AXIN1: variants seen among roughly 807,000 people sequenced by gnomAD.
AXIN1 encodes axin 1.
A neutral mutation model predicts 76.4 loss-of-function variants in AXIN1; 30 were observed. The observed-to-expected ratio is 0.39, with a 90% CI of 0.29 to 0.53. AXIN1 has a LOEUF of 0.53. AXIN1 is among the 20% of genes least tolerant of loss of function. The pLI, the probability that AXIN1 is intolerant of heterozygous loss-of-function variation, is 0.66. For missense variants in AXIN1, 1,140 were observed against 1,198.8 expected, an observed-to-expected ratio of 0.95 and a Z score of 0.72; for synonymous variants, 545 against 501.4, an observed-to-expected ratio of 1.09 and a Z score of -1.16.
intron 3 of AXIN1, among the ~76,000 whole-genome samples, chr16:313,667 G>A (rs2053234541): frequency 6.6e-6 from 1 of 152,226 alleles, no homozygotes; most frequent in African/African-American, 2.4e-5. Context: ...AGCTGGGAAG[G>A]TCTGAGCTTC....
chr16:329,399 A>G (rs947069249), intron 2 of AXIN1, among the ~76,000 whole-genome samples: 1 of 151,992 alleles, frequency 6.6e-6, no homozygotes, highest in African/African-American at 2.4e-5. Flanking sequence ...GAATAGTAGT[A>G]TCTCTGAGCA....
chr16:345,646 G>A (rs146716847), intron 2 of AXIN1, among the ~76,000 whole-genome samples: 1,936 of 151,714 alleles, frequency 0.013, 40 homozygotes, highest in African/African-American at 0.044. Context: ...CCCGGGAGGC[G>A]AAGGTTGCAG....
chr16:328,012 G>A lies in AXIN1; in HGVS notation c.879-13329C>T, dbSNP rs77419178. On this transcript the variant is annotated intron_variant, in intron 2 of 10. Coordinates refer to ENST00000262320, the MANE Select transcript of AXIN1 (RefSeq NM_003502.4). ...GCCTGTAATCCGAGCACTGTAGGAGGCTGAGGCAGAATGCCTTAAAGCCAA... is the reference window on the plus strand; with the variant it reads ...GCCTGTAATCCGAGCACTGTAGGAGACTGAGGCAGAATGCCTTAAAGCCAA... 8.9e-3 allele frequency among the ~76,000 whole-genome samples: 1,363 copies of A among 152,346 alleles called. 16 individuals are homozygous for A. The highest frequency in any genetic ancestry group is 0.03 in the African/African-American group (1,260 of 41,578).
chr16:323,456 A>AAAG (rs1567289980), intron 2 of AXIN1, among the ~76,000 whole-genome samples: 1 of 148,530 alleles, frequency 6.7e-6, no homozygotes, highest in African/African-American at 2.5e-5. Context: ...AAAAAAAAGA[A>AAAG]AGAAAAAAAG....
chr16:352,188 G>A (rs12923489), intron 1 of AXIN1, among the ~76,000 whole-genome samples, 181 bp downstream of exon 1: 1 of 151,594 alleles, frequency 6.6e-6, no homozygotes, highest in South Asian at 2.1e-4. Flanking sequence ...CCGAGGCCTC[G>A]GACCTCCAAG....
At chr16:324,120 G>A (rs569727634) in intron 2 of AXIN1, among the ~76,000 whole-genome samples, 25 of 152,286 alleles carry the variant, frequency 1.6e-4, no homozygotes, top group Non-Finnish European at 2.4e-4. Context: ...TGAAATACCC[G>A]GGACCGTCCG....
Position 352,437 on chromosome 16 carries a change from G to A in AXIN1, c.-150C>T. 5 of 974,428 alleles carry A rather than the reference G, an allele frequency of 5.1e-6. No homozygotes were observed. The highest frequency in any genetic ancestry group is 6.1e-6 in the Non-Finnish European group (5 of 823,440). 60.4% of individuals were successfully genotyped at this position (974,428 alleles called of 1,614,324 possible). ...GGCGCGGCGCGGTCCGGGCCCATGC[G>A]CTCAGCGGCAGCGCGGCGGGCGGGA... On this transcript the variant is annotated 5_prime_UTR_variant, in exon 1 of 11. Transcript: ENST00000262320.
intron 7 of AXIN1, among the ~76,000 whole-genome samples, chr16:294,730 G>C (rs1346429075): frequency 2.4e-5 from 3 of 124,104 alleles, no homozygotes; most frequent in African/African-American, 9.4e-5. Context: ...ACTCCAGCCT[G>C]AGCCACAGGA....
intron 5 of AXIN1, among the ~76,000 whole-genome samples, chr16:299,904 C>T (rs963831039): frequency 1.3e-5 from 2 of 152,044 alleles, no homozygotes; most frequent in African/African-American, 2.4e-5. Flanking sequence ...ATCTGCCCAC[C>T]TCGGCCTCCC....
chr16:293,760 C>G lies in AXIN1; in HGVS notation c.1956-42G>C. 6.3e-7 allele frequency: 1 copy of G among 1,588,424 alleles called. No individual in the cohort carries two copies. The highest frequency in any genetic ancestry group is 8.6e-7 in the Non-Finnish European group (1 of 1,160,208). ...ACAAGTTGTGACTGTGGCCGACACC[C>G]TGGCCAGGTGGCCTGGTGGGGCTAC... On this transcript the variant is annotated intron_variant, in intron 7 of 10. Coordinates refer to ENST00000262320, the MANE Select transcript of AXIN1 (RefSeq NM_003502.4). The surrounding 1 kb of genome is among the most constrained non-coding windows in gnomAD (Gnocchi z 4.6).
At chr16:299,059 G>T (rs28725307) in intron 5 of AXIN1, 1 of 984,978 alleles carries the variant, frequency 1.0e-6, no homozygotes, top group Non-Finnish European at 1.2e-6. Context: ...GAGCCGCCGC[G>T]CCCGGCCTCC....
At chr16:291,131 G>C (rs1390980030) in intron 9 of AXIN1, 59 bp downstream of exon 9, 3 of 1,505,412 alleles carry the variant, frequency 2.0e-6, no homozygotes, top group Non-Finnish European at 1.8e-6. Flanking sequence ...GATGGGACCT[G>C]GCTTGGGACG....
intron 2 of AXIN1, among the ~76,000 whole-genome samples, chr16:323,134 G>A (rs1320826660): frequency 6.6e-6 from 1 of 151,956 alleles, no homozygotes; most frequent in African/African-American, 2.4e-5. Context: ...AAGAAAGAAA[G>A]AAAAAAGAAA....
chr16:312,091 G>A (rs2053196786), intron 3 of AXIN1, among the ~76,000 whole-genome samples: 1 of 152,154 alleles, frequency 6.6e-6, no homozygotes, highest in Non-Finnish European at 1.5e-5. Context: ...CCAACCTACT[G>A]GTTTCTTAGA....
In AXIN1 at chr16:287,457, TTTATTTCA is replaced by T. The variant is rs1161729899; in HGVS notation, c.*657_*664del. The stretch of plus-strand genomic sequence containing the variant: ...CAGCCAGGGCAGGTTCAAAAACAGT[TTTATTTCA>T]TTATTATCCAAGTACCTTTGAAAAG... On this transcript the variant is annotated 3_prime_UTR_variant, in exon 11 of 11. Transcript: ENST00000262320. 2 of 430,804 alleles carry T rather than the reference TTTATTTCA, an allele frequency of 4.6e-6. No homozygotes were observed. Among genetic ancestry groups the T allele is most frequent in the Non-Finnish European group, 8.3e-6 (2 of 241,732 alleles). 26.7% of individuals were successfully genotyped at this position (430,804 alleles called of 1,614,324 possible).
chr16:337,295 T>C (rs1219456363), intron 2 of AXIN1, among the ~76,000 whole-genome samples: 1 of 151,274 alleles, frequency 6.6e-6, no homozygotes, highest in African/African-American at 2.4e-5. Flanking sequence ...GTTATAGGAA[T>C]TTGGAAAATA....
Position 352,463 on chromosome 16 carries a change from C to T in AXIN1, c.-176G>A. On this transcript the variant is annotated 5_prime_UTR_variant, in exon 1 of 11. Transcript: ENST00000262320. ...CTCAGCGGCAGCGCGGCGGGCGGGA[C>T]CCGGCGGGGGCGCGGCCCGGGGCGG... is the stretch of plus-strand genomic sequence containing the variant. The T allele has an allele frequency of 1.0e-6, 1 of 970,878 alleles. No individual in the cohort carries two copies. 60.1% of individuals were successfully genotyped at this position (970,878 alleles called of 1,614,324 possible).
chr16:302,410 G>A (rs2052897390), intron 5 of AXIN1, among the ~76,000 whole-genome samples: 1 of 152,240 alleles, frequency 6.6e-6, no homozygotes, highest in Non-Finnish European at 1.5e-5. Context: ...ACAATTTACT[G>A]AGGATAAAAC....
rs373737605 is a variant in AXIN1, at chr16:289,399, A to G, written c.2462+41T>C. The G allele has an allele frequency of 3.7e-6, 6 of 1,611,118 alleles. No individual in the cohort carries two copies. In the African/African-American group the frequency reaches 8.0e-5, roughly 22 times the overall value. On this transcript the variant is annotated intron_variant, in intron 10 of 10. Transcript: ENST00000262320. ...CTTTTTCATACCGTTGGGCACCCAC[A>G]TACTCGTGCGGGGAGGGGGCACCCC...
Sources: gnomAD v4.1 joint callset for allele counts (sites outside exome capture counted in the v4.1 genomes callset) on GRCh38, gnomAD v4.1.1 for gene constraint, Gnocchi (gnomAD v3.1) non-coding constraint, MANE v1.5 for transcripts, NCBI Gene and HGNC (gene_info 2026-07-23, HGNC 2026-07-21) for gene names.